The following OSBPL10 variants were observed in gnomAD, a reference collection of about 807,000 sequenced individuals.
OSBPL10 encodes the protein oxysterol-binding protein-related protein 10.
A neutral mutation model predicts 81.7 loss-of-function variants in OSBPL10; 49 were observed. That is an observed-to-expected ratio of 0.60 (90% CI 0.48 to 0.76). The LOEUF (loss-of-function observed/expected upper bound fraction) is 0.76. Among genes scored for constraint, OSBPL10 ranks in the 30% least tolerant of loss-of-function variants. The pLI, the probability that OSBPL10 is intolerant of heterozygous loss-of-function variation, is 0.00. For synonymous variants in OSBPL10, 419 were observed against 383.6 expected, an observed-to-expected ratio of 1.09 and a Z score of -1.08; for missense variants, 923 against 987.8, an observed-to-expected ratio of 0.93 and a Z score of 0.88.
At chr3:31,748,837 G>A (rs1014141046) in intron 4 of OSBPL10, among the ~76,000 whole-genome samples, 2 of 152,088 alleles carry the variant, frequency 1.3e-5, no homozygotes, top group African/African-American at 4.8e-5. Flanking sequence ...GTCTAATGAT[G>A]TCTTTGAACT....
intron 6 of OSBPL10, among the ~76,000 whole-genome samples, chr3:31,707,676 T>C (rs1012427874): frequency 9.2e-5 from 14 of 152,146 alleles, no homozygotes; most frequent in African/African-American, 3.1e-4. Context: ...CAAAGCACCA[T>C]GCTCAGATAT....
In OSBPL10 at chr3:32,065,821, G is replaced by A. The variant is rs1699772377; in HGVS notation, n.185+11575C>T. Among the ~76,000 whole-genome samples the A allele has an allele frequency of 2.3e-5, 2 of 88,418 alleles. 1 individual carries two copies. The highest frequency in any genetic ancestry group is 5.8e-5 in the African/African-American group (2 of 34,530). 58.0% of individuals were successfully genotyped at this position (88,418 alleles called of 152,430 possible). ...CGCTTGAGCCCAGGAGGCCTAGGTT[G>A]CAAGGTTGCAGTCAGCAGAGACTGC... On this transcript the variant is annotated intron_variant and non_coding_transcript_variant, in intron 1 of 3. Coordinates refer to the OSBPL10 transcript ENST00000479173.
intron 5 of OSBPL10, among the ~76,000 whole-genome samples, chr3:31,737,339 GA>G (rs908776921): frequency 5.9e-5 from 9 of 152,092 alleles, no homozygotes; most frequent in African/African-American, 1.4e-4. Context: ...AGAGCTTGGG[GA>G]AAAAATATTC....
chr3:31,951,270 GAAAA>G (rs150863728), intron 1 of OSBPL10, among the ~76,000 whole-genome samples: 1 of 144,350 alleles, frequency 6.9e-6, no homozygotes, highest in African/African-American at 2.5e-5. Flanking sequence ...AACAAAACGG[GAAAA>G]AAAAAAGACT....
At chr3:32,060,090 A>G (rs1218027690) in intron 1 of OSBPL10, among the ~76,000 whole-genome samples, 3 of 151,924 alleles carry the variant, frequency 2.0e-5, no homozygotes, top group Non-Finnish European at 4.4e-5. Flanking sequence ...CTATATATAT[A>G]TATATATACT....
intron 1 of OSBPL10, among the ~76,000 whole-genome samples, chr3:32,059,252 T>C (rs187507634): frequency 1.4e-4 from 21 of 147,858 alleles, no homozygotes; most frequent in African/African-American, 4.8e-4. Context: ...GCCACGATCA[T>C]GCCACTCTAC....
chr3:31,834,156 T>C (rs1700316759), intron 3 of OSBPL10, among the ~76,000 whole-genome samples: 1 of 152,326 alleles, frequency 6.6e-6, no homozygotes, highest in African/African-American at 2.4e-5. Flanking sequence ...AAAGGCAACC[T>C]GTCTACAATC....
chr3:31,805,929 A>T (rs1699511469), intron 4 of OSBPL10, among the ~76,000 whole-genome samples: 1 of 152,212 alleles, frequency 6.6e-6, no homozygotes, highest in Non-Finnish European at 1.5e-5. Context: ...TCTAAGCTCT[A>T]CACTTGTCTT....
intron 4 of OSBPL10, among the ~76,000 whole-genome samples, chr3:31,784,421 G>GA (rs1698806938): frequency 6.6e-6 from 1 of 150,688 alleles, no homozygotes; most frequent in African/African-American, 2.4e-5. Flanking sequence ...GAAAAGGAAG[G>GA]AAAGAAAGAA....
intron 2 of OSBPL10, chr3:31,989,270 A>G (rs750012168): frequency 1.9e-6 from 3 of 1,614,198 alleles, no homozygotes; most frequent in Non-Finnish European, 8.5e-7. Flanking sequence ...CATTCTGTGG[A>G]TATCTCTTCC....
chr3:32,060,080 C>CCA (rs1699743641), intron 1 of OSBPL10, among the ~76,000 whole-genome samples: 1 of 147,506 alleles, frequency 6.8e-6, no homozygotes, highest in African/African-American at 2.5e-5. Flanking sequence ...AGTCAATGAG[C>CCA]TATATATATA....
At chr3:31,715,310 C>T (rs951366877) in intron 6 of OSBPL10, among the ~76,000 whole-genome samples, 2 of 152,212 alleles carry the variant, frequency 1.3e-5, no homozygotes, top group Non-Finnish European at 2.9e-5. Context: ...ATCATTGCAG[C>T]AAGTTTGATT....
At chr3:31,923,479 T>TG (rs1364186885) in intron 1 of OSBPL10, among the ~76,000 whole-genome samples, 1 of 152,180 alleles carries the variant, frequency 6.6e-6, no homozygotes, top group East Asian at 1.9e-4. Flanking sequence ...TTCCTGTACT[T>TG]TTTGTTTGTT....
intron 6 of OSBPL10, among the ~76,000 whole-genome samples, chr3:31,705,826 A>T (rs925037823): frequency 6.6e-6 from 1 of 152,168 alleles, no homozygotes; most frequent in African/African-American, 2.4e-5. Flanking sequence ...CAAGGTCATC[A>T]AAAATGGCAG....
At chr3:31,832,025 T>C (rs1162090880) in intron 3 of OSBPL10, among the ~76,000 whole-genome samples, 1 of 152,238 alleles carries the variant, frequency 6.6e-6, no homozygotes, top group Non-Finnish European at 1.5e-5. Flanking sequence ...ATCTATGTAA[T>C]GGAATACTAC....
rs1416960532 is a variant in OSBPL10 at position 31,850,622 on chromosome 3, G to A, written c.538-20391C>T. On this transcript the variant is annotated intron_variant, in intron 3 of 11. Coordinates refer to ENST00000396556, the MANE Select transcript of OSBPL10 (RefSeq NM_017784.5). Reference sequence around the variant, plus strand: ...TTCACTCTCCATAGAAATGAGCAGAGGTCAGTGGCAGAGCACTCCCAGGTA... The same window carrying A: ...TTCACTCTCCATAGAAATGAGCAGAAGTCAGTGGCAGAGCACTCCCAGGTA... 4.6e-5 allele frequency among the ~76,000 whole-genome samples: 7 copies of A among 152,036 alleles called. 1 individual carries two copies. Among genetic ancestry groups the A allele is most frequent in the Admixed American group, 4.6e-4 (7 of 15,264 alleles).
intron 11 of OSBPL10, chr3:31,662,352 G>A (rs956951301): frequency 3.1e-6 from 4 of 1,271,674 alleles, no homozygotes; most frequent in Non-Finnish European, 4.0e-6. Flanking sequence ...CAAAATAAAA[G>A]GGGAGCTTGG....
chr3:31,787,432 TAA>T (rs1698887346), intron 4 of OSBPL10, among the ~76,000 whole-genome samples: 1 of 151,952 alleles, frequency 6.6e-6, no homozygotes, highest in Non-Finnish European at 1.5e-5. Flanking sequence ...TTATCTCTAC[TAA>T]AACTACTAAA....
intron 1 of OSBPL10, among the ~76,000 whole-genome samples, chr3:32,070,338 C>A (rs914917761): frequency 3.3e-5 from 5 of 152,140 alleles, no homozygotes; most frequent in Non-Finnish European, 2.9e-5. Flanking sequence ...TTTCAGTTAT[C>A]CCCACCTGTC....
Sources: gnomAD v4.1 joint callset for allele counts (sites outside exome capture counted in the v4.1 genomes callset) on GRCh38, gnomAD v4.1.1 for gene constraint, MANE v1.5 for transcripts, NCBI Gene and HGNC (gene_info 2026-07-23, HGNC 2026-07-21) for gene names.